Variants in SLC26A4 observed in about 807,000 individuals in gnomAD.
The protein encoded by SLC26A4 is pendrin.
In SLC26A4, 93 loss-of-function variants were observed where a neutral mutation model predicts 90.4. That is an observed-to-expected ratio of 1.03 (90% CI 0.87 to 1.22). The LOEUF (loss-of-function observed/expected upper bound fraction) is 1.22, where lower values mean the gene tolerates loss of function less well. Ranked by LOEUF, SLC26A4 falls within the 50% of genes most tolerant of loss-of-function variation. SLC26A4 has a pLI of 0.00. For missense variants in SLC26A4, 1,127 were observed against 946.2 expected (o/e 1.19, Z -2.51); for synonymous variants, 393 against 354.6 (o/e 1.11, Z -1.22).
chr7:107,686,404 T>C (rs1430620474), intron 8 of SLC26A4, among the ~76,000 whole-genome samples: 1 of 105,464 alleles, frequency 9.5e-6, no homozygotes, highest in Non-Finnish European at 1.9e-5. Context: ...CTCTCTCTCT[T>C]TTTTCTTTCT....
chr7:107,668,385 T>G (rs1335965054), intron 3 of SLC26A4, among the ~76,000 whole-genome samples: 1 of 152,144 alleles, frequency 6.6e-6, no homozygotes, highest in Non-Finnish European at 1.5e-5. Context: ...GCAATAAGGA[T>G]TCTGCAGTAG....
intron 13 of SLC26A4, 115 bp downstream of exon 13, chr7:107,696,154 T>G: frequency 1.3e-6 from 1 of 767,162 alleles, no homozygotes; most frequent in South Asian, 1.4e-5. Context: ...TACTGTATAT[T>G]GAGTGCTTCT....
chr7:107,692,644 T>C (rs1481694311), intron 10 of SLC26A4, among the ~76,000 whole-genome samples: 1 of 152,158 alleles, frequency 6.6e-6, no homozygotes, highest in African/African-American at 2.4e-5. Flanking sequence ...CATCTACAGA[T>C]TGTAGAAGAA....
chr7:107,683,136 G>A (rs1791292070), intron 6 of SLC26A4, 66 bp from the exon 7 acceptor site: 1 of 1,144,724 alleles, frequency 8.7e-7, no homozygotes, highest in Admixed American at 1.8e-5. Context: ...TTGTGTGTGT[G>A]TGCGTGTGTG....
chr7:107,703,967 T>C (rs1195597581), intron 17 of SLC26A4, among the ~76,000 whole-genome samples: 3 of 152,208 alleles, frequency 2.0e-5, no homozygotes, highest in African/African-American at 7.2e-5. Flanking sequence ...CCTTGACTTT[T>C]AGGTCAATAG....
chr7:107,671,486 A>G (rs922185199), intron 3 of SLC26A4, among the ~76,000 whole-genome samples: 1 of 152,136 alleles, frequency 6.6e-6, no homozygotes. Flanking sequence ...ATTTGACTTG[A>G]TTGTTTTTTC....
At position 107,698,079 on chromosome 7, in the gene SLC26A4, G is replaced by A; in HGVS notation, c.1582G>A (p.Asp528Asn). Residue 528 changes from aspartate (D) to asparagine (N), a missense_variant, in exon 14 of 21, where the codon GAT becomes AAT. Transcript: ENST00000644269. ...WNGLGSIPST[D>N]IYKSTKNYKN... Reference sequence around the variant, plus strand: ...TGGCCTTGGAAGCATCCCTAGCACAGATATCTACAAAAGTACCAAGAATTA... The same window carrying A: ...TGGCCTTGGAAGCATCCCTAGCACAAATATCTACAAAAGTACCAAGAATTA... 4.3e-6 allele frequency: 7 copies of A among 1,610,682 alleles called. No individual in the cohort carries two copies. Among genetic ancestry groups the A allele is most frequent in the Non-Finnish European group, 5.9e-6 (7 of 1,177,024 alleles).
chr7:107,693,746 C>A, intron 10 of SLC26A4: 2 of 992,796 alleles, frequency 2.0e-6, no homozygotes, highest in African/African-American at 1.7e-5. Context: ...CCCGTTACTC[C>A]ATAGTCACTG....
At chr7:107,681,412 A>G (rs1411559666) in intron 6 of SLC26A4, among the ~76,000 whole-genome samples, 2 of 152,186 alleles carry the variant, frequency 1.3e-5, no homozygotes, top group Non-Finnish European at 2.9e-5. Flanking sequence ...AAAGTTCATT[A>G]AGCTCATACA....
Position 107,701,116 on chromosome 7 carries a change from A to G in SLC26A4, c.1723A>G (p.Ile575Val), listed in dbSNP as rs548208395. The change falls in exon 16 of 21, where the codon ATT (isoleucine) becomes GTT (valine). Residue 575 changes from isoleucine to valine, a missense_variant. Physicochemically the swap from Ile to Val is conservative, Grantham distance 29. Coordinates refer to ENST00000644269, the MANE Select transcript of SLC26A4 (RefSeq NM_000441.2). ...ATTTCCAAAGGTTGGATTTGATGCCATTAGAGTATATAATAAGAGGCTGAA... is the reference window on the plus strand; with the variant it reads ...ATTTCCAAAGGTTGGATTTGATGCCGTTAGAGTATATAATAAGAGGCTGAA... ...CIKSTVGFDA[I>V]RVYNKRLKAL... The G allele has an allele frequency of 1.2e-5, 19 of 1,605,752 alleles. No individual in the cohort carries two copies. The East Asian group carries it at 3.8e-4, about 32-fold the overall frequency.
intron 2 of SLC26A4, among the ~76,000 whole-genome samples, chr7:107,662,864 A>G (rs753427423): frequency 1.3e-5 from 2 of 152,206 alleles, no homozygotes; most frequent in African/African-American, 2.4e-5. Flanking sequence ...AGATTTTTGT[A>G]AAAACTAGCT....
intron 3 of SLC26A4, among the ~76,000 whole-genome samples, chr7:107,671,719 T>G (rs1001443637): frequency 6.6e-6 from 1 of 152,196 alleles, no homozygotes; most frequent in African/African-American, 2.4e-5. Context: ...CTTTCTGCAG[T>G]AGAAAGACAG....
In SLC26A4 at chr7:107,683,552, C is replaced by G; in HGVS notation, c.1001+15C>G. The G allele has an allele frequency of 6.3e-7, 1 of 1,594,320 alleles. No homozygotes were observed. Among genetic ancestry groups the G allele is most frequent in the Non-Finnish European group, 8.6e-7 (1 of 1,162,472 alleles). ...ATCCCAAGGGGGTGAGTGTGGTGTT[C>G]CTCTTAGTACTAATACATTAAGTCA... On this transcript the variant is annotated intron_variant, in intron 8 of 20. Transcript: ENST00000644269.
chr7:107,715,162 G>T (rs1407749053), intron 20 of SLC26A4, among the ~76,000 whole-genome samples: 1 of 151,130 alleles, frequency 6.6e-6, no homozygotes, highest in Non-Finnish European at 1.5e-5. Context: ...TTGAACCTGG[G>T]AGGCAGAGGT....
intron 6 of SLC26A4, among the ~76,000 whole-genome samples, chr7:107,682,679 T>G (rs1343698400): frequency 6.6e-6 from 1 of 151,188 alleles, no homozygotes; most frequent in Non-Finnish European, 1.5e-5. Context: ...CACACACACA[T>G]ACACACATAT....
intron 17 of SLC26A4, among the ~76,000 whole-genome samples, chr7:107,702,703 GAA>G (rs1391883935): frequency 8.2e-6 from 1 of 122,510 alleles, no homozygotes; most frequent in Non-Finnish European, 1.8e-5. Flanking sequence ...AAAAAAAAAA[GAA>G]TATCTGGTTC....
Position 107,704,393 on chromosome 7 carries a change from C to T in SLC26A4, c.2089+8C>T, listed in dbSNP as rs1206247193. On this transcript the variant is annotated splice_region_variant and intron_variant, in intron 18 of 20. Coordinates refer to ENST00000644269, the MANE Select transcript of SLC26A4 (RefSeq NM_000441.2). The stretch of plus-strand genomic sequence containing the variant: ...ATTTTGCATCACTTCAAGGTAAATA[C>T]ATATATCTACATATCTACCTGTAAG... 1.8e-6 allele frequency: 2 copies of T among 1,120,036 alleles called. No homozygotes were observed. The highest frequency in any genetic ancestry group is 2.7e-6 in the Non-Finnish European group (2 of 735,534). 69.4% of individuals were successfully genotyped at this position (1,120,036 alleles called of 1,614,324 possible).
At chr7:107,693,986 G>A (rs942504848) in intron 10 of SLC26A4, among the ~76,000 whole-genome samples, 6 of 152,288 alleles carry the variant, frequency 3.9e-5, no homozygotes, top group African/African-American at 1.2e-4. Context: ...AATCAGCTAT[G>A]TGCCATGAGA....
At chr7:107,686,398 C>CTTTTTTT (rs1562831112) in intron 8 of SLC26A4, among the ~76,000 whole-genome samples, 1 of 90,952 alleles carries the variant, frequency 1.1e-5, no homozygotes, top group African/African-American at 4.4e-5. Context: ...TCCTTCCTCT[C>CTTTTTTT]TCTCTTTTTT....
Sources: allele counts gnomAD v4.1 joint callset (sites outside exome capture counted in the v4.1 genomes callset), GRCh38; gene constraint gnomAD v4.1.1; transcripts MANE v1.5; gene names NCBI Gene and HGNC (gene_info 2026-07-23, HGNC 2026-07-21).